Variants in STARD6 observed in about 807,000 individuals in gnomAD.
STARD6 encodes the protein StAR related lipid transfer domain containing 6, also known as stAR-related lipid transfer protein 6.
Under a neutral mutation model 22.3 loss-of-function variants are expected in STARD6, and 21 were observed. The ratio of observed to expected loss-of-function variants is 0.94; its 90% CI spans 0.67 to 1.35. The LOEUF (loss-of-function observed/expected upper bound fraction) is 1.35, where lower values mean the gene tolerates loss of function less well. STARD6 is among the 40% of genes most tolerant of loss of function. STARD6 has a pLI of 0.00. For missense variants in STARD6, 269 were observed against 266.9 expected (o/e 1.01, Z -0.05); for synonymous variants, 80 against 88.1 (o/e 0.91, Z 0.52).
At chr18:54,345,532 C>A (rs2089026013) in intron 4 of STARD6, among the ~76,000 whole-genome samples, 1 of 152,000 alleles carries the variant, frequency 6.6e-6, no homozygotes, top group African/African-American at 2.4e-5. Flanking sequence ...TGTCAAAATC[C>A]CAGCTGACTT....
At chr18:54,331,001 AG>A (rs1262812676) in intron 6 of STARD6, among the ~76,000 whole-genome samples, 2 of 152,150 alleles carry the variant, frequency 1.3e-5, no homozygotes, top group African/African-American at 4.8e-5. Flanking sequence ...TGAAATGTAG[AG>A]TACTAAAGAT....
Position 54,329,393 on chromosome 18 carries a change from G to T in STARD6, c.433C>A (p.Arg145Ser), listed in dbSNP as rs565582092. Residue 145 changes from arginine (R) to serine (S), a missense_variant, in exon 7 of 8, where the codon CGC (arginine) becomes AGC (serine). Transcript: ENST00000307844. ...AAGCCACAAGGATGGTTATAACCGC[G>T]GATATAATTTGAAGATGGAGGATAT... ...PEYPPSSNYI[R>S]GYNHPCGFVC... 1 of 1,604,136 alleles carries T rather than the reference G, an allele frequency of 6.2e-7. No homozygotes were observed. The highest frequency in any genetic ancestry group is 8.5e-7 in the Non-Finnish European group (1 of 1,176,070).
chr18:54,353,402 C>T (rs1173376950), intron 4 of STARD6, among the ~76,000 whole-genome samples: 2 of 152,212 alleles, frequency 1.3e-5, no homozygotes, highest in East Asian at 3.8e-4. Context: ...GGCACAGTGG[C>T]TCACACCTGT....
intron 4 of STARD6, among the ~76,000 whole-genome samples, chr18:54,348,036 T>C (rs1160517414): frequency 6.6e-6 from 1 of 152,128 alleles, no homozygotes; most frequent in African/African-American, 2.4e-5. Context: ...TTCACTTGTC[T>C]CTCAATTCTC....
Position 54,329,375 on chromosome 18 carries a change from A to C in STARD6, c.451T>G (p.Cys151Gly). 1.2e-6 allele frequency: 2 copies of C among 1,603,874 alleles called. No individual in the cohort carries two copies. Among genetic ancestry groups the C allele is most frequent in the Non-Finnish European group, 1.7e-6 (2 of 1,176,144 alleles). The change falls in exon 7 of 8, where the codon TGT (cysteine) becomes GGT (glycine). Residue 151 changes from cysteine (C) to glycine (G), a missense_variant. Transcript: ENST00000307844. ...SNYIRGYNHP[C>G]GFVCSPMEEN... ...TCCATTGGTGAACATACAAAGCCAC[A>C]AGGATGGTTATAACCGCGGATATAA...
At chr18:54,325,742 G>T (rs2088819894) in intron 7 of STARD6, among the ~76,000 whole-genome samples, 1 of 152,010 alleles carries the variant, frequency 6.6e-6, no homozygotes, top group Non-Finnish European at 1.5e-5. Flanking sequence ...AAGAGACAGG[G>T]TCTCATTATG....
chr18:54,329,543 G>T, intron 6 of STARD6, 103 bp from the exon 7 acceptor site: 1 of 893,498 alleles, frequency 1.1e-6, no homozygotes. Context: ...TTAGTTAATA[G>T]CATTAACATT....
intron 1 of STARD6, among the ~76,000 whole-genome samples, chr18:54,356,806 A>G (rs1364588211): frequency 6.6e-6 from 1 of 152,220 alleles, no homozygotes; most frequent in Non-Finnish European, 1.5e-5. Flanking sequence ...TTGATTTCCT[A>G]TTGGAAACCT....
chr18:54,327,357 A>G (rs2088832647), intron 7 of STARD6, among the ~76,000 whole-genome samples: 1 of 152,216 alleles, frequency 6.6e-6, no homozygotes, highest in South Asian at 2.1e-4. Context: ...CTTTAAACAC[A>G]TGTCATTTTT....
intron 4 of STARD6, among the ~76,000 whole-genome samples, chr18:54,338,384 T>G (rs896235734): frequency 6.6e-6 from 1 of 151,974 alleles, no homozygotes; most frequent in Non-Finnish European, 1.5e-5. Context: ...AGGGTAAAAA[T>G]TACCACAAAA....
intron 4 of STARD6, among the ~76,000 whole-genome samples, chr18:54,346,590 C>T (rs762632991): frequency 1.6e-4 from 25 of 151,920 alleles, no homozygotes; most frequent in Non-Finnish European, 3.4e-4. Flanking sequence ...AATATATGTC[C>T]ACACAAAAAT....
Position 54,338,067 on chromosome 18 carries a change from G to C in STARD6, c.141-816C>G, listed in dbSNP as rs73469912. On this transcript the variant is annotated intron_variant, in intron 4 of 7. Transcript: ENST00000307844. ...TCAGAGCAAGATGTAGTGCAGACTT[G>C]TAAGTATTTCCCAAGCCACATTCAG... Among the ~76,000 whole-genome samples, 957 of 152,286 alleles carry C rather than the reference G, an allele frequency of 6.3e-3. 9 individuals carry two copies. Among genetic ancestry groups the C allele is most frequent in the African/African-American group, 0.022 (923 of 41,548 alleles).
At chr18:54,342,062 A>T in intron 4 of STARD6, among the ~76,000 whole-genome samples, 1 of 152,272 alleles carries the variant, frequency 6.6e-6, no homozygotes, top group East Asian at 1.9e-4. Context: ...ACTAAAATCA[A>T]GACTGACCCT....
At chr18:54,334,229 A>G (rs1337589846) in intron 5 of STARD6, among the ~76,000 whole-genome samples, 1 of 152,160 alleles carries the variant, frequency 6.6e-6, no homozygotes, top group Non-Finnish European at 1.5e-5. Context: ...ACCCTTGCAC[A>G]AGCCACCATA....
chr18:54,344,164 G>C (rs1358962962), intron 4 of STARD6, among the ~76,000 whole-genome samples: 2 of 33,436 alleles, frequency 6.0e-5, no homozygotes, highest in Non-Finnish European at 1.0e-4. Flanking sequence ...TTGAGAAATC[G>C]GATGGTTGCC....
chr18:54,338,845 C>A (rs187107136), intron 4 of STARD6, among the ~76,000 whole-genome samples: 1 of 151,646 alleles, frequency 6.6e-6, no homozygotes, highest in East Asian at 1.9e-4. Flanking sequence ...GTCAAGAGAT[C>A]GAGACCAACT....
At chr18:54,334,572 C>A (rs982103707) in intron 5 of STARD6, among the ~76,000 whole-genome samples, 2 of 151,908 alleles carry the variant, frequency 1.3e-5, no homozygotes, top group Non-Finnish European at 2.9e-5. Flanking sequence ...CACTGCCAAA[C>A]TCTTTCTACC....
At position 54,354,560 on chromosome 18, in the gene STARD6, G is replaced by A; in HGVS notation, c.14C>T (p.Ala5Val). 1.2e-6 allele frequency: 2 copies of A among 1,612,774 alleles called. No individual in the cohort carries two copies. The highest frequency in any genetic ancestry group is 1.7e-6 in the Non-Finnish European group (2 of 1,179,374). The change falls in exon 3 of 8, where the codon GCA becomes GTA. Residue 5 changes from alanine to valine, a missense_variant. Coordinates refer to ENST00000307844, the MANE Select transcript of STARD6 (RefSeq NM_139171.2). Reference protein sequence around the residue: MDFKAIAQQTAQEVL... With the variant: MDFKVIAQQTAQEVL... ...TTCTTGGGCAGTTTGTTGGGCAATTGCCTTGAAGTCCATCTATCTGCAAGT... is the reference window on the plus strand; with the variant it reads ...TTCTTGGGCAGTTTGTTGGGCAATTACCTTGAAGTCCATCTATCTGCAAGT...
At chr18:54,331,433 A>C (rs1365498566) in intron 6 of STARD6, among the ~76,000 whole-genome samples, 3 of 152,188 alleles carry the variant, frequency 2.0e-5, no homozygotes, top group Non-Finnish European at 4.4e-5. Context: ...TCTGACAATT[A>C]ATTTTGTTTC....
Sources: allele counts gnomAD v4.1 joint callset (sites outside exome capture counted in the v4.1 genomes callset), GRCh38; gene constraint gnomAD v4.1.1; transcripts MANE v1.5; gene names NCBI Gene and HGNC (gene_info 2026-07-23, HGNC 2026-07-21).